ARFGAP1: variants seen among roughly 807,000 people sequenced by gnomAD.
The protein encoded by ARFGAP1 is ARF GTPase activating protein 1, also known as ADP-ribosylation factor GTPase-activating protein 1.
A neutral mutation model predicts 54.0 loss-of-function variants in ARFGAP1; 26 were observed. The observed-to-expected ratio is 0.48, with a 90% confidence interval of 0.35 to 0.67. The LOEUF is 0.67. Among genes scored for constraint, ARFGAP1 ranks in the 30% least tolerant of loss-of-function variants. ARFGAP1 has a pLI of 0.00. For missense variants in ARFGAP1, 525 were observed against 535.8 expected (o/e 0.98, Z 0.20); for synonymous variants, 248 against 211.9 (o/e 1.17, Z -1.48).
At chr20:63,280,090 C>T (rs1034082205) in intron 7 of ARFGAP1, among the ~76,000 whole-genome samples, 6 of 151,968 alleles carry the variant, frequency 3.9e-5, no homozygotes, top group African/African-American at 7.3e-5. Flanking sequence ...TGCAGAGAGC[C>T]GAGACAGCAC....
rs374585695 is a variant in ARFGAP1 at position 63,278,917 on chromosome 20, C to T, written c.549C>T (p.Tyr183=). 157 of 1,614,028 alleles carry T rather than the reference C, an allele frequency of 9.7e-5. No individual in the cohort carries two copies. The highest frequency in any genetic ancestry group is 1.3e-4 in the Non-Finnish European group (151 of 1,180,032). The change falls in exon 7 of 13, where the codon TAC becomes TAT. Residue 183 remains tyrosine, a synonymous_variant. Coordinates refer to ENST00000370283, the MANE Select transcript of ARFGAP1 (RefSeq NM_018209.4). ...GSYQGAQGNR[Y]VGFGNTPPPQ... ...TTTTCAGGGCCCAGGGGAATCGCTA[C>T]GTGGGGTTTGGGAACACGCCACCGC...
Position 63,288,284 on chromosome 20 carries a change from G to C in ARFGAP1, c.*411G>C, listed in dbSNP as rs1329078748. 1 of 488,408 alleles carries C rather than the reference G, an allele frequency of 2.0e-6. No individual in the cohort carries two copies. Among genetic ancestry groups the C allele is most frequent in the East Asian group, 5.9e-5 (1 of 16,888 alleles). The allele number at this position is 488,408 out of a possible 1,614,324, so 30.3% of individuals were successfully genotyped here. On this transcript the variant is annotated 3_prime_UTR_variant, in exon 13 of 13. Coordinates refer to ENST00000370283, the MANE Select transcript of ARFGAP1 (RefSeq NM_018209.4). Reference sequence around the variant, plus strand: ...GACGTGAGGTGTCCCTTCTCGTTGAGATATTTAACTTTGGTTTTGCTCTAG... The same window carrying C: ...GACGTGAGGTGTCCCTTCTCGTTGACATATTTAACTTTGGTTTTGCTCTAG...
chr20:63,276,024 T>C lies in ARFGAP1; in HGVS notation c.61-67T>C, dbSNP rs2067226395. Reference sequence around the variant, plus strand: ...TGCATTCGCTCCTTGAGGCCACCTGTCGGGTCTTTGGGGTCCCTGGGCTCT... The same window carrying C: ...TGCATTCGCTCCTTGAGGCCACCTGCCGGGTCTTTGGGGTCCCTGGGCTCT... On this transcript the variant is annotated intron_variant, in intron 2 of 12. Coordinates refer to ENST00000370283, the MANE Select transcript of ARFGAP1 (RefSeq NM_018209.4). This position sits in a 1 kb window ranked among gnomAD's most constrained non-coding sequence, Gnocchi z 5.2. 6.8e-7 allele frequency: 1 copy of C among 1,472,854 alleles called. No homozygotes were observed. 91.2% of individuals were successfully genotyped at this position (1,472,854 alleles called of 1,614,324 possible). A position where few individuals can be genotyped will look rare whatever the true frequency, so the allele number is the denominator to read the frequency against.
chr20:63,283,832 T>G (rs758143993), intron 9 of ARFGAP1: 26 of 1,613,518 alleles, frequency 1.6e-5, no homozygotes, highest in Non-Finnish European at 1.9e-5. Context: ...CTCACCTGTC[T>G]TCTTGCTGTC....
chr20:63,278,257 G>T, intron 6 of ARFGAP1, 54 bp downstream of exon 6: 2 of 1,582,418 alleles, frequency 1.3e-6, no homozygotes, highest in Non-Finnish European at 8.6e-7. Flanking sequence ...ACAGGGTTCA[G>T]TCTGGTGGGT....
intron 11 of ARFGAP1, chr20:63,285,915 CACTA>C: frequency 6.8e-7 from 1 of 1,465,362 alleles, no homozygotes; most frequent in Non-Finnish European, 9.1e-7. Flanking sequence ...CCCGGTCAGC[CACTA>C]ACTGTCACTT....
In ARFGAP1 at chr20:63,285,402, T is replaced by C. The variant is rs2067504437; in HGVS notation, c.775-252T>C. 5.2e-6 allele frequency: 3 copies of C among 574,704 alleles called. No homozygotes were observed. The Admixed American group carries it at 9.2e-5, about 18-fold the overall frequency. The allele number at this position is 574,704 out of a possible 1,614,324, so 35.6% of individuals were successfully genotyped here. A position where few individuals can be genotyped will look rare whatever the true frequency, so the allele number is the denominator to read the frequency against. ...CACCTGGGGCAGCGTGGGCTGTCCT[T>C]AGGTCACGTTGCTATTTGTCAGCAG... On this transcript the variant is annotated intron_variant, in intron 10 of 12. Transcript: ENST00000370283.
chr20:63,283,050 G>T, intron 9 of ARFGAP1, 199 bp downstream of exon 9: 1 of 602,976 alleles, frequency 1.7e-6, no homozygotes, highest in South Asian at 2.0e-5. Flanking sequence ...GACCCACTCA[G>T]GGCCTGCAGG....
intron 1 of ARFGAP1, chr20:63,274,299 T>A (rs992233424): frequency 1.5e-5 from 1 of 64,526 alleles, no homozygotes; most frequent in Non-Finnish European, 3.0e-5. Flanking sequence ...ACTTTGGCCG[T>A]GTGGAGTTGG....
chr20:63,285,327 G>T (rs888547379), intron 10 of ARFGAP1, among the ~76,000 whole-genome samples: 2 of 152,152 alleles, frequency 1.3e-5, no homozygotes, highest in Non-Finnish European at 2.9e-5. Context: ...CAAGAGCCCC[G>T]CCAGCTCCCT....
rs774970421 is a variant in ARFGAP1, at chr20:63,276,224, C to A, written c.170+24C>A. ...AGGTCAGTGTCCTGCCGCTCTGGCT[C>A]TGCGGAGAGCCTGCGGCCACCCCAG... On this transcript the variant is annotated intron_variant, in intron 3 of 12. Transcript: ENST00000370283. This position sits in a 1 kb window ranked among gnomAD's most constrained non-coding sequence, Gnocchi z 5.2. 57 of 1,611,510 alleles carry A rather than the reference C, an allele frequency of 3.5e-5. No homozygotes were observed. In the Admixed American group the frequency reaches 8.7e-4, roughly 24 times the overall value.
chr20:63,277,160 G>A (rs374586099), intron 4 of ARFGAP1, 45 bp from the exon 5 acceptor site: 28 of 1,555,002 alleles, frequency 1.8e-5, no homozygotes, highest in South Asian at 1.7e-4. Context: ...CGAGGGCATC[G>A]CCAGGCGCCT....
At chr20:63,277,534 C>T (rs1196342770) in intron 5 of ARFGAP1, among the ~76,000 whole-genome samples, 2 of 152,228 alleles carry the variant, frequency 1.3e-5, no homozygotes, top group East Asian at 1.9e-4. Flanking sequence ...GCACGCCTTC[C>T]AGGTGTGCAC....
chr20:63,283,228 C>T (rs2067433430), intron 9 of ARFGAP1: 3 of 306,898 alleles, frequency 9.8e-6, no homozygotes, highest in Non-Finnish European at 1.8e-5. Flanking sequence ...GCACACTGGA[C>T]GCGTCTGCAC....
At chr20:63,277,143 C>T (rs970496459) in intron 4 of ARFGAP1, 62 bp from the exon 5 acceptor site, 11 of 1,461,314 alleles carry the variant, frequency 7.5e-6, no homozygotes, top group South Asian at 1.2e-5. Flanking sequence ...CTGGAGTCGA[C>T]GGTGCCCGAG....
In ARFGAP1 at chr20:63,288,901, G is replaced by T. The variant is rs969792279; in HGVS notation, c.*1028G>T. On this transcript the variant is annotated 3_prime_UTR_variant, in exon 13 of 13. Transcript: ENST00000370283. ...CGAAGCTCGTGCAGTTTGTACGTGAGGTGCTCTCCTCCCTGCCACCATGCT... is the reference window on the plus strand; with the variant it reads ...CGAAGCTCGTGCAGTTTGTACGTGATGTGCTCTCCTCCCTGCCACCATGCT... 2.0e-5 allele frequency: 5 copies of T among 253,250 alleles called. No homozygotes were observed. Among genetic ancestry groups the T allele is most frequent in the Non-Finnish European group, 3.2e-5 (4 of 125,118 alleles). 15.7% of individuals were successfully genotyped at this position (253,250 alleles called of 1,614,324 possible).
chr20:63,279,996 C>T (rs2067337402), intron 7 of ARFGAP1, among the ~76,000 whole-genome samples: 2 of 152,130 alleles, frequency 1.3e-5, no homozygotes, highest in Admixed American at 1.3e-4. Flanking sequence ...TAAAAATTAG[C>T]CAGGCGGGGT....
At chr20:63,281,884 A>G (rs1425143425) in intron 8 of ARFGAP1, among the ~76,000 whole-genome samples, 1 of 152,048 alleles carries the variant, frequency 6.6e-6, no homozygotes, top group African/African-American at 2.4e-5. Context: ...TTACAGGAGA[A>G]GGGGAAGCCC....
rs547256158 is a variant in ARFGAP1, at chr20:63,277,115, C to T, written c.343-90C>T. The T allele has an allele frequency of 2.5e-5, 28 of 1,120,206 alleles. 1 individual carries two copies. In the East Asian group the frequency reaches 2.8e-4, roughly 11 times the overall value. 69.4% of individuals were successfully genotyped at this position (1,120,206 alleles called of 1,614,324 possible). A position where few individuals can be genotyped will look rare whatever the true frequency, so the allele number is the denominator to read the frequency against. On this transcript the variant is annotated intron_variant, in intron 4 of 12. Transcript: ENST00000370283. ...GGCTGCGGGTGGTGGGTGCTCCAGG[C>T]GGGCCGTGGGGGGTGCGCTGGAGTC...
Sources: allele counts gnomAD v4.1 joint callset (sites outside exome capture counted in the v4.1 genomes callset), GRCh38; gene constraint gnomAD v4.1.1; non-coding constraint Gnocchi (gnomAD v3.1); transcripts MANE v1.5; gene names NCBI Gene and HGNC (gene_info 2026-07-23, HGNC 2026-07-21).